ROBO2: variants seen among roughly 807,000 people sequenced by gnomAD.
ROBO2 encodes roundabout homolog 2.
ROBO2 carries 53 observed loss-of-function variants against 160.8 expected under a neutral mutation model. The observed-to-expected ratio is 0.33, with a 90% CI of 0.26 to 0.41. ROBO2 has a LOEUF of 0.41. Among genes scored for constraint, ROBO2 ranks in the 10% least tolerant of loss-of-function variants. The pLI, the probability that ROBO2 is intolerant of heterozygous loss-of-function variation, is 1.00. For synonymous variants in ROBO2, 664 were observed against 611.7 expected (o/e 1.09, Z -1.26); for missense variants, 1,577 against 1,722.4 (o/e 0.92, Z 1.49).
At chr3:77,404,397 C>A (rs2076089414) in intron 2 of ROBO2, among the ~76,000 whole-genome samples, 1 of 152,100 alleles carries the variant, frequency 6.6e-6, no homozygotes, top group Admixed American at 6.5e-5. Context: ...CTAGCTCAGA[C>A]ATTTTAAGAG....
intron 2 of ROBO2, among the ~76,000 whole-genome samples, chr3:76,107,577 C>A (rs1472330268): frequency 6.6e-6 from 1 of 151,982 alleles, no homozygotes; most frequent in Non-Finnish European, 1.5e-5. Context: ...CCTTCCTTTG[C>A]ATACGCTATT....
intron 2 of ROBO2, among the ~76,000 whole-genome samples, chr3:76,023,064 T>C (rs1016723274): frequency 6.6e-6 from 1 of 151,776 alleles, no homozygotes; most frequent in African/African-American, 2.4e-5. Context: ...CTTCTTTCCT[T>C]AAAAATTATT....
chr3:76,278,745 A>T (rs151241147), intron 2 of ROBO2, among the ~76,000 whole-genome samples: 13,311 of 152,034 alleles, frequency 0.088, 1,063 homozygotes, highest in African/African-American at 0.2. Flanking sequence ...CAGGCTGTCA[A>T]CACATATCTT....
chr3:76,072,772 G>C (rs1393691226), intron 2 of ROBO2, among the ~76,000 whole-genome samples: 1 of 152,144 alleles, frequency 6.6e-6, no homozygotes, highest in Non-Finnish European at 1.5e-5. Flanking sequence ...GACAGACATA[G>C]GGCCAATGGC....
At chr3:76,216,231 G>A (rs572352859) in intron 2 of ROBO2, among the ~76,000 whole-genome samples, 94 of 152,272 alleles carry the variant, frequency 6.2e-4, no homozygotes, top group African/African-American at 2.0e-3. Flanking sequence ...GATCGTCGAG[G>A]CTAGGAAGAA....
chr3:77,483,360 C>T (rs1477413389), intron 4 of ROBO2, among the ~76,000 whole-genome samples: 1 of 151,614 alleles, frequency 6.6e-6, no homozygotes, highest in Admixed American at 6.6e-5. Context: ...TCTTAGAGAA[C>T]ATAAAAGAAA....
chr3:76,652,272 A>T (rs2091288989), intron 2 of ROBO2, among the ~76,000 whole-genome samples: 2 of 152,332 alleles, frequency 1.3e-5, no homozygotes, highest in Admixed American at 1.3e-4. Flanking sequence ...ATGTACCATT[A>T]TCTGAGGATT....
intron 2 of ROBO2, among the ~76,000 whole-genome samples, chr3:76,418,485 C>T (rs1000791840): frequency 3.9e-5 from 6 of 152,240 alleles, no homozygotes; most frequent in South Asian, 4.1e-4. Context: ...ATGATCCACC[C>T]GCCTCGGCCT....
At chr3:76,175,297 T>C (rs1043463903) in intron 2 of ROBO2, among the ~76,000 whole-genome samples, 14 of 152,030 alleles carry the variant, frequency 9.2e-5, no homozygotes, top group African/African-American at 2.9e-4. Context: ...TACAATCATG[T>C]CATCTGCAAA....
chr3:76,603,051 G>T (rs2087283484), intron 2 of ROBO2, among the ~76,000 whole-genome samples: 1 of 151,896 alleles, frequency 6.6e-6, no homozygotes, highest in Non-Finnish European at 1.5e-5. Context: ...ATGAGTAGAG[G>T]CTGGGCGCAG....
intron 2 of ROBO2, among the ~76,000 whole-genome samples, chr3:76,996,124 T>C (rs1412138454): frequency 1.3e-5 from 2 of 152,188 alleles, no homozygotes; most frequent in African/African-American, 4.8e-5. Flanking sequence ...GAATTAATTT[T>C]TGTATAAGGT....
intron 2 of ROBO2, among the ~76,000 whole-genome samples, chr3:76,482,566 C>T (rs2079270148): frequency 6.6e-6 from 1 of 152,072 alleles, no homozygotes; most frequent in Non-Finnish European, 1.5e-5. Context: ...GGTTAGGTAA[C>T]TGACTAATTT....
intron 2 of ROBO2, among the ~76,000 whole-genome samples, chr3:77,026,131 C>T (rs951028562): frequency 3.9e-5 from 6 of 152,052 alleles, no homozygotes; most frequent in Admixed American, 1.3e-4. Context: ...ACTGTAATTT[C>T]CTTCAATACT....
chr3:76,612,676 A>G (rs908461391), intron 2 of ROBO2, among the ~76,000 whole-genome samples: 2 of 152,198 alleles, frequency 1.3e-5, no homozygotes, highest in African/African-American at 4.8e-5. Context: ...AGAAACTGGC[A>G]TGTTCTGCAC....
At chr3:77,422,438 T>C (rs2077794649) in intron 2 of ROBO2, among the ~76,000 whole-genome samples, 1 of 152,150 alleles carries the variant, frequency 6.6e-6, no homozygotes, top group African/African-American at 2.4e-5. Context: ...TACAAATTGT[T>C]GCACAAGGTG....
intron 2 of ROBO2, among the ~76,000 whole-genome samples, chr3:76,822,982 G>A (rs1406183434): frequency 2.0e-4 from 30 of 151,946 alleles, no homozygotes; most frequent in Non-Finnish European, 5.9e-5. Context: ...ACGAGAAATG[G>A]TGATTATAAG....
At chr3:76,034,990 T>G (rs1047543736) in intron 2 of ROBO2, among the ~76,000 whole-genome samples, 3 of 152,010 alleles carry the variant, frequency 2.0e-5, no homozygotes, top group Non-Finnish European at 4.4e-5. Flanking sequence ...GAACAGTGCT[T>G]CTCTCTTTAA....
At chr3:75,939,399 A>G (rs76116083) in intron 2 of ROBO2, among the ~76,000 whole-genome samples, 3 of 152,154 alleles carry the variant, frequency 2.0e-5, no homozygotes, top group Admixed American at 6.6e-5. Context: ...TATTTACTCA[A>G]TATTGATTGC....
Position 76,721,421 on chromosome 3 carries a change from C to T in ROBO2, c.110-376593C>T, listed in dbSNP as rs147566523. Among the ~76,000 whole-genome samples, 358 of 152,212 alleles carry T rather than the reference C, an allele frequency of 2.4e-3. 3 individuals are homozygous for T. The highest frequency in any genetic ancestry group is 4.3e-3 in the Non-Finnish European group (293 of 68,012). On this transcript the variant is annotated intron_variant, in intron 2 of 26. Coordinates refer to the ROBO2 transcript ENST00000487694. ...TTCATTTCCTTCATAATATAATAGA[C>T]GGAACTGTCGTTGTGATATATTAGT...
Sources: gnomAD v4.1 joint callset for allele counts (sites outside exome capture counted in the v4.1 genomes callset) on GRCh38, gnomAD v4.1.1 for gene constraint, MANE v1.5 for transcripts, NCBI Gene and HGNC (gene_info 2026-07-23, HGNC 2026-07-21) for gene names.